Variants in TP63 observed in about 807,000 individuals in gnomAD.
TP63 encodes tumor protein p63.
In TP63, 17 loss-of-function variants were observed where a neutral mutation model predicts 82.8. That is an observed-to-expected ratio of 0.21 (90% CI 0.14 to 0.31). The LOEUF (loss-of-function observed/expected upper bound fraction) is 0.31. TP63 is among the 10% of genes least tolerant of loss of function. The probability of loss-of-function intolerance (pLI) is 1.00; values close to 1 mark genes in which losing one functional copy is unlikely to be tolerated. For synonymous variants in TP63, 330 were observed against 321.7 expected (o/e 1.03, Z -0.28); for missense variants, 648 against 895.3 (o/e 0.72, Z 3.52).
chr3:189,743,503 A>AACACACAC (rs10524434), intron 3 of TP63, among the ~76,000 whole-genome samples: 169 of 150,866 alleles, frequency 1.1e-3, no homozygotes, highest in African/African-American at 3.7e-3. Flanking sequence ...TACAAACACA[A>AACACACAC]ACACACACAC....
At chr3:189,604,547 ATT>A in the TP63 span, among the ~76,000 whole-genome samples, 1 of 152,144 alleles carries the variant, frequency 6.6e-6, no homozygotes, top group South Asian at 2.1e-4. Flanking sequence ...TTTCTTGGAT[ATT>A]TACCTGGAGA....
rs533076565 is a variant in TP63 at position 189,881,123 on chromosome 3, A to G, written c.1350-5271A>G. On this transcript the variant is annotated intron_variant, in intron 10 of 13. Transcript: ENST00000264731. ...ATTAGAGCTTCTATCCCTCAAGCCT[A>G]CCTACCATAAAACCAGCCATATTAC... 3 of 985,358 alleles carry G rather than the reference A, an allele frequency of 3.0e-6. No homozygotes were observed. In the African/African-American group the frequency reaches 5.2e-5, roughly 17 times the overall value. 61.0% of individuals were successfully genotyped at this position (985,358 alleles called of 1,614,324 possible).
At chr3:189,877,345 TG>T (rs1376408290) in intron 10 of TP63, among the ~76,000 whole-genome samples, 2 of 152,232 alleles carry the variant, frequency 1.3e-5, no homozygotes, top group African/African-American at 2.4e-5. Flanking sequence ...AAGACAGCTT[TG>T]CAGAAGCCTC....
At chr3:189,803,366 TA>T (rs1308118495) in intron 3 of TP63, among the ~76,000 whole-genome samples, 1 of 152,244 alleles carries the variant, frequency 6.6e-6, no homozygotes, top group Non-Finnish European at 1.5e-5. Context: ...AAATTATAGG[TA>T]AATACCTATT....
the TP63 span, among the ~76,000 whole-genome samples, chr3:189,621,512 A>G: frequency 6.6e-6 from 1 of 151,886 alleles, no homozygotes; most frequent in South Asian, 2.1e-4. Context: ...ACTATAGTAT[A>G]TTTTATATAT....
chr3:189,797,640 ACT>A (rs1424740735), intron 3 of TP63, among the ~76,000 whole-genome samples: 1 of 151,948 alleles, frequency 6.6e-6, no homozygotes, highest in East Asian at 1.9e-4. Context: ...ACCGTGTGAG[ACT>A]CTGTCACCAG....
chr3:189,636,686 T>C (rs987245837), intron 1 of TP63, among the ~76,000 whole-genome samples: 1 of 152,184 alleles, frequency 6.6e-6, no homozygotes, highest in African/African-American at 2.4e-5. Context: ...AAATGTGAGC[T>C]ACACATGTAT....
At chr3:189,754,093 T>A (rs1722011974) in intron 3 of TP63, among the ~76,000 whole-genome samples, 1 of 152,164 alleles carries the variant, frequency 6.6e-6, no homozygotes, top group Admixed American at 6.6e-5. Flanking sequence ...TTATTGCTGT[T>A]GCTCTTTATG....
intron 1 of TP63, among the ~76,000 whole-genome samples, chr3:189,663,852 A>G (rs1714146736): frequency 6.6e-6 from 1 of 151,982 alleles, no homozygotes; most frequent in Admixed American, 6.6e-5. Flanking sequence ...CAGCCATTTC[A>G]TTCTTTCATT....
At chr3:189,698,379 T>C (rs1717550925) in intron 1 of TP63, among the ~76,000 whole-genome samples, 1 of 152,150 alleles carries the variant, frequency 6.6e-6, no homozygotes, top group African/African-American at 2.4e-5. Flanking sequence ...TAATTACTCA[T>C]TTACTCCTTC....
chr3:189,756,345 A>G (rs1398672276), intron 3 of TP63, among the ~76,000 whole-genome samples: 1 of 152,082 alleles, frequency 6.6e-6, no homozygotes, highest in African/African-American at 2.4e-5. Context: ...CTCAATATTC[A>G]CTCCGTTTAG....
chr3:189,867,685 A>C (rs1474681105), intron 6 of TP63, 148 bp from the exon 7 acceptor site: 1 of 751,990 alleles, frequency 1.3e-6, no homozygotes, highest in African/African-American at 1.7e-5. Flanking sequence ...ATGAAGAAAA[A>C]TCTACAACAG....
intron 1 of TP63, among the ~76,000 whole-genome samples, chr3:189,668,747 T>C (rs958924270): frequency 6.6e-6 from 1 of 152,082 alleles, no homozygotes; most frequent in Admixed American, 6.6e-5. Context: ...ACGTGGTGGC[T>C]CACATCTGTA....
chr3:189,669,854 A>G (rs1714741008), intron 1 of TP63, among the ~76,000 whole-genome samples: 1 of 152,080 alleles, frequency 6.6e-6, no homozygotes, highest in African/African-American at 2.4e-5. Flanking sequence ...CAAGAAAGGA[A>G]TAAGAAAGCA....
intron 1 of TP63, among the ~76,000 whole-genome samples, chr3:189,694,906 A>C (rs1310532910): frequency 7.3e-6 from 1 of 136,386 alleles, no homozygotes. Flanking sequence ...CCTGGTTTCA[A>C]GTGATTCTCC....
intron 3 of TP63, among the ~76,000 whole-genome samples, chr3:189,745,654 C>T (rs1409294211): frequency 4.5e-5 from 6 of 133,644 alleles, no homozygotes; most frequent in Non-Finnish European, 6.1e-5. Context: ...TTGCAGTGAG[C>T]CAAGATTGCA....
At chr3:189,731,080 C>T (rs1374223462) in intron 1 of TP63, among the ~76,000 whole-genome samples, 10 of 152,162 alleles carry the variant, frequency 6.6e-5, no homozygotes, top group Non-Finnish European at 1.2e-4. Context: ...CTCTGGCTCA[C>T]GCCTGTAATC....
intron 3 of TP63, among the ~76,000 whole-genome samples, chr3:189,760,068 A>C (rs1034836122): frequency 6.6e-6 from 1 of 152,174 alleles, no homozygotes; most frequent in African/African-American, 2.4e-5. Flanking sequence ...ATCCTCTACC[A>C]CTGGGTCCCT....
chr3:189,758,362 G>A (rs1434072647), intron 3 of TP63, among the ~76,000 whole-genome samples: 1 of 152,194 alleles, frequency 6.6e-6, no homozygotes, highest in Non-Finnish European at 1.5e-5. Context: ...CATGGAATGG[G>A]GCCGGGGGCC....
Sources: gnomAD v4.1 joint callset for allele counts (sites outside exome capture counted in the v4.1 genomes callset) on GRCh38, gnomAD v4.1.1 for gene constraint, MANE v1.5 for transcripts, NCBI Gene and HGNC (gene_info 2026-07-23, HGNC 2026-07-21) for gene names.